Variants in NRXN3 observed in about 807,000 individuals in gnomAD.
The protein encoded by NRXN3 is neurexin III.
NRXN3 carries 32 observed loss-of-function variants against 137.6 expected under a neutral mutation model. The observed-to-expected ratio is 0.23, with a 90% CI of 0.18 to 0.31. NRXN3 has a LOEUF of 0.31. NRXN3 is among the 10% of genes least tolerant of loss of function. The pLI is 1.00. For missense variants in NRXN3, 1,574 were observed against 2,062.5 expected (o/e 0.76, Z 4.59); for synonymous variants, 798 against 784.5 (o/e 1.02, Z -0.29).
intron 4 of NRXN3, among the ~76,000 whole-genome samples, chr14:78,351,169 A>G (rs2083438001): frequency 6.6e-6 from 1 of 152,182 alleles, no homozygotes; most frequent in Non-Finnish European, 1.5e-5. Context: ...ATTGTTCTAC[A>G]TAGTGTTGAT....
chr14:79,699,083 G>A (rs2098745315), intron 19 of NRXN3, among the ~76,000 whole-genome samples: 1 of 151,900 alleles, frequency 6.6e-6, no homozygotes, highest in Admixed American at 6.6e-5. Flanking sequence ...TGCTGACAGT[G>A]TCATAAGGGC....
At chr14:79,703,212 A>G (rs2098762223) in intron 19 of NRXN3, among the ~76,000 whole-genome samples, 2 of 152,190 alleles carry the variant, frequency 1.3e-5, no homozygotes, top group Admixed American at 1.3e-4. Context: ...TGCAAATTCC[A>G]GAAGGAAGCC....
At chr14:79,521,324 T>C (rs1157446960) in intron 16 of NRXN3, among the ~76,000 whole-genome samples, 1 of 151,774 alleles carries the variant, frequency 6.6e-6, no homozygotes, top group Non-Finnish European at 1.5e-5. Flanking sequence ...CCCTTGTCAT[T>C]TTTACAGTTA....
rs2097126229 is a variant in NRXN3, at chr14:78,592,530, G to A, written c.758-52590G>A. On this transcript the variant is annotated intron_variant, in intron 4 of 20. Coordinates refer to ENST00000335750, the MANE Select transcript of NRXN3 (RefSeq NM_001330195.2). ...TTGTGGTTGTAGTAAGGAAAAACAT[G>A]TCTTTCTGCCTGGATATATCAACTG... Among the ~76,000 whole-genome samples, 3 of 152,148 alleles carry A rather than the reference G, an allele frequency of 2.0e-5. No individual in the cohort carries two copies. The South Asian group carries it at 6.2e-4, about 32-fold the overall frequency.
intron 8 of NRXN3, among the ~76,000 whole-genome samples, chr14:78,731,160 C>T (rs1044305427): frequency 4.6e-5 from 7 of 151,944 alleles, no homozygotes; most frequent in Non-Finnish European, 4.4e-5. Flanking sequence ...TTTGATGGGA[C>T]AATTGATATA....
intron 4 of NRXN3, among the ~76,000 whole-genome samples, chr14:78,308,541 A>G (rs2077605332): frequency 6.6e-6 from 1 of 152,106 alleles, no homozygotes. Flanking sequence ...ATGATGTGCA[A>G]GTGGGCTTGG....
intron 16 of NRXN3, among the ~76,000 whole-genome samples, chr14:79,625,473 A>G (rs944942074): frequency 6.6e-6 from 1 of 152,196 alleles, no homozygotes; most frequent in African/African-American, 2.4e-5. Flanking sequence ...TATACCCAGA[A>G]GAACAATTGC....
At chr14:78,257,272 G>A (rs934641355) in intron 2 of NRXN3, among the ~76,000 whole-genome samples, 5 of 152,168 alleles carry the variant, frequency 3.3e-5, no homozygotes, top group African/African-American at 1.2e-4. Flanking sequence ...GTTGGAACAG[G>A]CCATCTCTTT....
intron 15 of NRXN3, among the ~76,000 whole-genome samples, chr14:79,130,575 T>A (rs1441543749): frequency 3.3e-5 from 5 of 151,118 alleles, no homozygotes; most frequent in African/African-American, 1.2e-4. Flanking sequence ...CTTCCCTTTG[T>A]GGGTAACCCG....
intron 15 of NRXN3, among the ~76,000 whole-genome samples, chr14:79,014,893 C>T (rs1031559701): frequency 6.6e-6 from 1 of 152,100 alleles, no homozygotes; most frequent in Non-Finnish European, 1.5e-5. Flanking sequence ...GTTCAGTCAA[C>T]TCATTTAAGT....
intron 4 of NRXN3, among the ~76,000 whole-genome samples, chr14:78,522,282 C>A (rs961235488): frequency 6.6e-5 from 10 of 152,130 alleles, no homozygotes; most frequent in African/African-American, 2.4e-4. Flanking sequence ...ATCAAAGACA[C>A]TAAGTAGCTT....
chr14:79,860,910 T>C (rs1339756508), intron 20 of NRXN3: 16 of 588,462 alleles, frequency 2.7e-5, no homozygotes, highest in Non-Finnish European at 3.9e-5. Context: ...CTAGAATGAT[T>C]AGACTCCATC....
chr14:78,380,542 G>A (rs2088881263), intron 4 of NRXN3, among the ~76,000 whole-genome samples: 1 of 152,160 alleles, frequency 6.6e-6, no homozygotes, highest in Admixed American at 6.5e-5. Context: ...ACAGAGCAGA[G>A]GGAAATGCAG....
At chr14:79,226,820 T>C (rs1241249220) in intron 15 of NRXN3, among the ~76,000 whole-genome samples, 3 of 126,074 alleles carry the variant, frequency 2.4e-5, no homozygotes, top group South Asian at 2.5e-4. Context: ...TTTTCTTTTT[T>C]TTTTTTTTTT....
intron 4 of NRXN3, among the ~76,000 whole-genome samples, chr14:78,628,399 A>G (rs1425685261): frequency 7.2e-5 from 11 of 152,156 alleles, no homozygotes; most frequent in Non-Finnish European, 1.3e-4. Flanking sequence ...ATACTTCACA[A>G]TAACCTGATT....
rs1177526764 is a variant in NRXN3 at position 79,127,705 on chromosome 14, C to T, written c.3262+139564C>T. 6.6e-5 allele frequency among the ~76,000 whole-genome samples: 10 copies of T among 152,228 alleles called. No individual in the cohort carries two copies. The South Asian group carries it at 1.0e-3, about 16-fold the overall frequency. On this transcript the variant is annotated intron_variant, in intron 15 of 20. Coordinates refer to ENST00000335750, the MANE Select transcript of NRXN3 (RefSeq NM_001330195.2). ...AACTTTAAAGTAGTTTTTTCCAATT[C>T]TGTGAAGAAAGTCATTGGTAGCTTT... is the stretch of plus-strand genomic sequence containing the variant.
Position 78,803,719 on chromosome 14 carries a change from C to G in NRXN3, c.2144C>G (p.Ser715Cys). 1 of 1,614,088 alleles carries G rather than the reference C, an allele frequency of 6.2e-7. No individual in the cohort carries two copies. The highest frequency in any genetic ancestry group is 8.5e-7 in the Non-Finnish European group (1 of 1,179,972). ...GAGGATGTGTCCTTCCGCTTCATGT[C>G]CCAGCGAGCTTATGGGCTGCTGGTG... The part of the protein sequence containing the change: ...EAEDVSFRFM[S>C]QRAYGLLVAT... Residue 715 changes from serine to cysteine, a missense_variant, in exon 9 of 21, where the codon TCC (serine) becomes TGC (cysteine). Coordinates refer to ENST00000335750, the MANE Select transcript of NRXN3 (RefSeq NM_001330195.2).
chr14:79,601,705 GA>G (rs2097923936), intron 16 of NRXN3, among the ~76,000 whole-genome samples: 2 of 152,278 alleles, frequency 1.3e-5, no homozygotes, highest in Non-Finnish European at 2.9e-5. Flanking sequence ...AGTAACCTTA[GA>G]AGTCACTTTC....
intron 18 of NRXN3, among the ~76,000 whole-genome samples, chr14:79,695,358 A>G (rs559842758): frequency 6.6e-6 from 1 of 152,166 alleles, no homozygotes; most frequent in Admixed American, 6.6e-5. Context: ...GTAATCAAGT[A>G]TAACTGTTAA....
Sources: allele counts gnomAD v4.1 joint callset (sites outside exome capture counted in the v4.1 genomes callset), GRCh38; gene constraint gnomAD v4.1.1; transcripts MANE v1.5; gene names NCBI Gene and HGNC (gene_info 2026-07-23, HGNC 2026-07-21).